CHMP2B: variants seen among roughly 807,000 people sequenced by gnomAD.
CHMP2B encodes charged multivesicular body protein 2B, also known as VPS2 homolog B.
Under a neutral mutation model 29.8 loss-of-function variants are expected in CHMP2B, and 22 were observed. That is an observed-to-expected ratio of 0.74 (90% CI 0.53 to 1.05). The LOEUF is 1.05. Among genes scored for constraint, CHMP2B ranks in the 50% least tolerant of loss-of-function variants. CHMP2B has a pLI of 0.00. For synonymous variants in CHMP2B, 78 were observed against 75.8 expected (o/e 1.03, Z -0.15); for missense variants, 261 against 252.2 (o/e 1.03, Z -0.24).
chr3:87,227,924 A>G (rs1016014266), intron 1 of CHMP2B, among the ~76,000 whole-genome samples: 1 of 152,010 alleles, frequency 6.6e-6, no homozygotes, highest in Non-Finnish European at 1.5e-5. Context: ...TGGGCGATAT[A>G]CTACTTGTAG....
At chr3:87,242,972 G>T (rs1706146894) in intron 2 of CHMP2B, among the ~76,000 whole-genome samples, 1 of 152,040 alleles carries the variant, frequency 6.6e-6, no homozygotes, top group Admixed American at 6.5e-5. Flanking sequence ...CTACAAAAAA[G>T]ATCAGATTTT....
At position 87,249,206 on chromosome 3, in the gene CHMP2B, T is replaced by C. The variant is rs538407242; in HGVS notation, c.322-669T>C. The stretch of plus-strand genomic sequence containing the variant: ...TAAACATAGCTAAACATAAGAAAGG[T>C]ATAGTAAAAATGCAGTATTATAATC... On this transcript the variant is annotated intron_variant, in intron 3 of 5. Coordinates refer to ENST00000263780, the MANE Select transcript of CHMP2B (RefSeq NM_014043.4). Among the ~76,000 whole-genome samples, 8 of 152,232 alleles carry C rather than the reference T, an allele frequency of 5.3e-5. No individual in the cohort carries two copies. In the South Asian group the frequency reaches 1.0e-3, roughly 20 times the overall value.
At position 87,254,609 on chromosome 3, in the gene CHMP2B, CTGGTCTCAGACCTATGATGACT is replaced by C. The variant is rs924370526; in HGVS notation, c.*790_*811del. ...CTCTGTTAAAACAGACCAGGTTTTCCTGGTCTCAGACCTATGATGACTTGTCCCTTTGATGTCACTACTGTGA... is the reference window on the plus strand; with the variant it reads ...CTCTGTTAAAACAGACCAGGTTTTCCTGTCCCTTTGATGTCACTACTGTGA... On this transcript the variant is annotated 3_prime_UTR_variant, in exon 6 of 6. Transcript: ENST00000263780. 1.1e-4 allele frequency: 17 copies of C among 152,040 alleles called. No individual in the cohort carries two copies. The highest frequency in any genetic ancestry group is 4.1e-4 in the African/African-American group (17 of 41,420). 9.4% of individuals were successfully genotyped at this position (152,040 alleles called of 1,614,324 possible).
chr3:87,240,737 C>G lies in CHMP2B; in HGVS notation c.73C>G (p.Gln25Glu), dbSNP rs1410924909. The G allele has an allele frequency of 6.2e-7, 1 of 1,613,406 alleles. No homozygotes were observed. Residue 25 changes from glutamine to glutamate, a missense_variant, in exon 2 of 6, where the codon CAG becomes GAG. By Grantham distance (29) the Gln-to-Glu change is conservative (BLOSUM62 2). Transcript: ENST00000263780. ...KEQNRELRGT[Q>E]RAIIRDRAAL... ...ACAGAATCGAGAGTTACGAGGTACACAGAGGGCTATAATCAGAGATCGAGC... is the reference window on the plus strand; with the variant it reads ...ACAGAATCGAGAGTTACGAGGTACAGAGAGGGCTATAATCAGAGATCGAGC...
At chr3:87,232,061 A>G (rs966888547) in intron 1 of CHMP2B, among the ~76,000 whole-genome samples, 6 of 152,174 alleles carry the variant, frequency 3.9e-5, no homozygotes, top group African/African-American at 1.4e-4. Context: ...TTACTAACCA[A>G]AGTAGTATTC....
chr3:87,250,096 G>C, intron 4 of CHMP2B, 119 bp downstream of exon 4: 2 of 610,432 alleles, frequency 3.3e-6, no homozygotes, highest in Non-Finnish European at 5.8e-6. Flanking sequence ...AAGATGATAG[G>C]CTCAAAATTC....
intron 1 of CHMP2B, among the ~76,000 whole-genome samples, chr3:87,240,078 A>G (rs2106901062): frequency 6.6e-6 from 1 of 151,930 alleles, no homozygotes; most frequent in South Asian, 2.1e-4. Flanking sequence ...TGTGTGTGAC[A>G]TATATATGTG....
intron 1 of CHMP2B, among the ~76,000 whole-genome samples, chr3:87,235,570 T>C (rs941468624): frequency 1.3e-5 from 2 of 152,224 alleles, no homozygotes; most frequent in Non-Finnish European, 2.9e-5. Flanking sequence ...TTTTATGATA[T>C]ACAGTGACTG....
At chr3:87,239,824 A>G (rs144889367) in intron 1 of CHMP2B, among the ~76,000 whole-genome samples, 2 of 152,324 alleles carry the variant, frequency 1.3e-5, no homozygotes, top group East Asian at 1.9e-4. Context: ...ACTCCTTACT[A>G]TCCTTTTTTA....
intron 1 of CHMP2B, 188 bp from the exon 2 acceptor site, chr3:87,240,511 T>G: frequency 8.3e-6 from 4 of 483,118 alleles, no homozygotes; most frequent in East Asian, 4.2e-5. Context: ...GGTTTCTCCA[T>G]GTTGGTCAGG....
intron 3 of CHMP2B, among the ~76,000 whole-genome samples, chr3:87,248,738 G>A (rs934452000): frequency 1.3e-5 from 2 of 150,864 alleles, no homozygotes; most frequent in African/African-American, 4.9e-5. Context: ...AAAGCCACTA[G>A]AGAGTTAGGT....
At chr3:87,250,861 G>C (rs1706303359) in intron 4 of CHMP2B, among the ~76,000 whole-genome samples, 1 of 151,698 alleles carries the variant, frequency 6.6e-6, no homozygotes, top group Admixed American at 6.6e-5. Context: ...CTTTCCGGAA[G>C]ACTACACCAA....
Position 87,254,373 on chromosome 3 carries a change from A to G in CHMP2B, c.*551A>G, listed in dbSNP as rs1212306263. On this transcript the variant is annotated 3_prime_UTR_variant, in exon 6 of 6. Transcript: ENST00000263780. Reference sequence around the variant, plus strand: ...CATAACTTTTCTTTTTTCTTTTTCCATTAGGAGAACATTCTAGTTGGTAAA... The same window carrying G: ...CATAACTTTTCTTTTTTCTTTTTCCGTTAGGAGAACATTCTAGTTGGTAAA... 1 of 153,916 alleles carries G rather than the reference A, an allele frequency of 6.5e-6. No individual in the cohort carries two copies. The highest frequency in any genetic ancestry group is 1.4e-5 in the Non-Finnish European group (1 of 69,054). 9.5% of individuals were successfully genotyped at this position (153,916 alleles called of 1,614,324 possible).
chr3:87,249,114 G>C (rs926927367), intron 3 of CHMP2B, among the ~76,000 whole-genome samples: 1 of 152,068 alleles, frequency 6.6e-6, no homozygotes, highest in Non-Finnish European at 1.5e-5. Flanking sequence ...TAGCCTGTTG[G>C]TCCTAGGCTA....
chr3:87,239,929 G>A (rs1249890434), intron 1 of CHMP2B, among the ~76,000 whole-genome samples: 1 of 152,072 alleles, frequency 6.6e-6, no homozygotes, highest in African/African-American at 2.4e-5. Context: ...ATCCAGATCT[G>A]CCTCATTGGA....
At chr3:87,247,342 T>C (rs1434915574) in intron 3 of CHMP2B, among the ~76,000 whole-genome samples, 3 of 152,210 alleles carry the variant, frequency 2.0e-5, no homozygotes, top group Non-Finnish European at 2.9e-5. Context: ...ACAAAGCTTA[T>C]CTAACGTGTA....
intron 3 of CHMP2B, among the ~76,000 whole-genome samples, chr3:87,249,049 T>C (rs1706266655): frequency 6.6e-6 from 1 of 152,122 alleles, no homozygotes; most frequent in Non-Finnish European, 1.5e-5. Flanking sequence ...CATTACAGAG[T>C]ATACTTACAT....
At chr3:87,233,077 T>C (rs930528558) in intron 1 of CHMP2B, among the ~76,000 whole-genome samples, 8 of 152,206 alleles carry the variant, frequency 5.3e-5, no homozygotes, top group African/African-American at 1.9e-4. Context: ...CAAGTCCTGC[T>C]GTTTTTCAGT....
chr3:87,245,618 G>A (rs1706197155), intron 2 of CHMP2B, 96 bp from the exon 3 acceptor site: 1 of 981,078 alleles, frequency 1.0e-6, no homozygotes, highest in Non-Finnish European at 1.5e-6. Context: ...CGGGGACAAA[G>A]GGTCTGTTAT....
Sources: gnomAD v4.1 joint callset for allele counts (sites outside exome capture counted in the v4.1 genomes callset) on GRCh38, gnomAD v4.1.1 for gene constraint, MANE v1.5 for transcripts, NCBI Gene and HGNC (gene_info 2026-07-23, HGNC 2026-07-21) for gene names.